The following ZDHHC14 variants were observed in gnomAD, a reference collection of about 807,000 sequenced individuals.
ZDHHC14 encodes the protein zDHHC palmitoyltransferase 14, also known as palmitoyltransferase ZDHHC14.
ZDHHC14 carries 16 observed loss-of-function variants against 47.7 expected under a neutral mutation model. The observed-to-expected ratio is 0.34, with a 90% CI of 0.23 to 0.51. The LOEUF is 0.51. Among genes scored for constraint, ZDHHC14 ranks in the 20% least tolerant of loss-of-function variants. The pLI, the probability that ZDHHC14 is intolerant of heterozygous loss-of-function variation, is 0.97. For missense variants in ZDHHC14, 515 were observed against 662.5 expected, an observed-to-expected ratio of 0.78 and a Z score of 2.44; for synonymous variants, 293 against 278.9, an observed-to-expected ratio of 1.05 and a Z score of -0.50.
At chr6:157,406,116 C>T (rs1385397021) in intron 1 of ZDHHC14, among the ~76,000 whole-genome samples, 1 of 152,164 alleles carries the variant, frequency 6.6e-6, no homozygotes, top group Non-Finnish European at 1.5e-5. Context: ...AAGTTTATAT[C>T]GTATCAGCTC....
chr6:157,508,404 T>C (rs1284771014), intron 1 of ZDHHC14, among the ~76,000 whole-genome samples: 2 of 152,258 alleles, frequency 1.3e-5, no homozygotes, highest in Non-Finnish European at 2.9e-5. Context: ...TCTTACTCTG[T>C]TGCCCAGGTT....
intron 1 of ZDHHC14, among the ~76,000 whole-genome samples, chr6:157,489,418 T>A (rs1779858709): frequency 6.6e-6 from 1 of 150,376 alleles, no homozygotes; most frequent in Non-Finnish European, 1.5e-5. Context: ...TTAAAACACC[T>A]TTTTATTCTT....
At chr6:157,416,967 G>A (rs191683361) in intron 1 of ZDHHC14, among the ~76,000 whole-genome samples, 1 of 123,344 alleles carries the variant, frequency 8.1e-6, no homozygotes, top group East Asian at 2.3e-4. Context: ...CACCATGCCT[G>A]GCTAGTTTTT....
chr6:157,640,179 A>G (rs997501437), intron 5 of ZDHHC14, among the ~76,000 whole-genome samples: 4 of 152,226 alleles, frequency 2.6e-5, no homozygotes, highest in Non-Finnish European at 4.4e-5. Context: ...ACTCATTTCA[A>G]TGTAATGTAG....
intron 2 of ZDHHC14, among the ~76,000 whole-genome samples, chr6:157,544,224 C>CT (rs1054368757): frequency 5.3e-5 from 8 of 152,232 alleles, no homozygotes; most frequent in African/African-American, 1.9e-4. Flanking sequence ...TGAAAATCCT[C>CT]TTCTCAGTGC....
intron 5 of ZDHHC14, among the ~76,000 whole-genome samples, chr6:157,640,184 A>G (rs1039805739): frequency 1.3e-5 from 2 of 152,224 alleles, no homozygotes; most frequent in Non-Finnish European, 2.9e-5. Context: ...TTTCAATGTA[A>G]TGTAGCATTA....
chr6:157,443,229 C>G (rs1301688576), intron 1 of ZDHHC14, among the ~76,000 whole-genome samples: 1 of 152,202 alleles, frequency 6.6e-6, no homozygotes, highest in East Asian at 1.9e-4. Context: ...GAAGAAGGTG[C>G]TGCTTCCCCT....
chr6:157,440,960 C>A (rs1237796201), intron 1 of ZDHHC14, among the ~76,000 whole-genome samples: 2 of 152,006 alleles, frequency 1.3e-5, no homozygotes, highest in Non-Finnish European at 2.9e-5. Flanking sequence ...GTAATTTTAC[C>A]ATATATGAAT....
chr6:157,630,917 C>G (rs1397543052), intron 4 of ZDHHC14: 1 of 150,932 alleles, frequency 6.6e-6, no homozygotes, highest in Non-Finnish European at 1.5e-5. Context: ...CACTCATACC[C>G]TTACACTGTC....
At chr6:157,436,919 G>A (rs1778451205) in intron 1 of ZDHHC14, among the ~76,000 whole-genome samples, 1 of 152,156 alleles carries the variant, frequency 6.6e-6, no homozygotes. Context: ...GAGTACAGGG[G>A]TGGTCTGAGG....
chr6:157,598,623 C>T (rs143424098), intron 3 of ZDHHC14, among the ~76,000 whole-genome samples: 53 of 152,160 alleles, frequency 3.5e-4, no homozygotes, highest in Non-Finnish European at 5.9e-4. Context: ...CACCAAATAA[C>T]ATTGCATCAA....
In ZDHHC14 at chr6:157,643,221, G is replaced by A. The variant is rs559859665; in HGVS notation, c.753-2516G>A. On this transcript the variant is annotated intron_variant, in intron 5 of 8. Transcript: ENST00000359775. Reference sequence around the variant, plus strand: ...TTCCTTGAGACCTCCTGAGTCAGCTGGGTCCCAGGGTGTGGGTAGTGCCAG... The same window carrying A: ...TTCCTTGAGACCTCCTGAGTCAGCTAGGTCCCAGGGTGTGGGTAGTGCCAG... Among the ~76,000 whole-genome samples, 9 of 152,334 alleles carry A rather than the reference G, an allele frequency of 5.9e-5. No homozygotes were observed. The South Asian group carries it at 6.2e-4, about 11-fold the overall frequency.
intron 1 of ZDHHC14, among the ~76,000 whole-genome samples, chr6:157,409,561 T>C (rs1452525055): frequency 6.6e-6 from 1 of 152,162 alleles, no homozygotes; most frequent in Non-Finnish European, 1.5e-5. Context: ...GCACCAACGG[T>C]AAGTCAAGCT....
Position 157,463,867 on chromosome 6 carries a change from A to T in ZDHHC14, c.246-78718A>T, listed in dbSNP as rs1160864820. On this transcript the variant is annotated intron_variant, in intron 1 of 8. Transcript: ENST00000359775. The surrounding 1 kb of genome is among the most constrained non-coding windows in gnomAD (Gnocchi z 4.4). ...TGGTGAAACCCCATCTCTACAAAAAATACAAAAATTAGCCAGGCATTGTGG... is the reference window on the plus strand; with the variant it reads ...TGGTGAAACCCCATCTCTACAAAAATTACAAAAATTAGCCAGGCATTGTGG... 6.6e-6 allele frequency among the ~76,000 whole-genome samples: 1 copy of T among 152,118 alleles called. No individual in the cohort carries two copies. The highest frequency in any genetic ancestry group is 1.5e-5 in the Non-Finnish European group (1 of 68,034).
At chr6:157,596,798 C>T (rs575325566) in intron 3 of ZDHHC14, among the ~76,000 whole-genome samples, 1 of 152,168 alleles carries the variant, frequency 6.6e-6, no homozygotes, top group South Asian at 2.1e-4. Flanking sequence ...ACCTGCGGCA[C>T]ACTGAGGGGC....
At chr6:157,592,824 C>T (rs1021789220) in intron 2 of ZDHHC14, 164 bp from the exon 3 acceptor site, 32 of 1,435,060 alleles carry the variant, frequency 2.2e-5, no homozygotes, top group South Asian at 6.4e-5. Context: ...GGGGTCCCAG[C>T]GGAGGGTGAG....
chr6:157,576,363 T>G (rs949699190), intron 2 of ZDHHC14, among the ~76,000 whole-genome samples: 1 of 152,216 alleles, frequency 6.6e-6, no homozygotes, highest in African/African-American at 2.4e-5. Flanking sequence ...TGCTCTACTT[T>G]TTTCCCAAAC....
At chr6:157,637,056 T>C (rs565052060) in intron 5 of ZDHHC14, among the ~76,000 whole-genome samples, 2 of 152,356 alleles carry the variant, frequency 1.3e-5, no homozygotes, top group Non-Finnish European at 2.9e-5. Flanking sequence ...AGAGTAAGCA[T>C]GCGTTGGGTG....
chr6:157,644,186 G>A (rs1777400853), intron 5 of ZDHHC14, among the ~76,000 whole-genome samples: 1 of 152,174 alleles, frequency 6.6e-6, no homozygotes, highest in Non-Finnish European at 1.5e-5. Flanking sequence ...TTTCCAGCCA[G>A]TGCATGGCCT....
Sources: allele counts gnomAD v4.1 joint callset (sites outside exome capture counted in the v4.1 genomes callset), GRCh38; gene constraint gnomAD v4.1.1; non-coding constraint Gnocchi (gnomAD v3.1); transcripts MANE v1.5; gene names NCBI Gene and HGNC (gene_info 2026-07-23, HGNC 2026-07-21).